Variants in FRMPD4 observed in about 807,000 individuals in gnomAD.
FRMPD4 encodes FERM and PDZ domain-containing protein 4.
FRMPD4 carries 22 observed loss-of-function variants against 94.1 expected under a neutral mutation model. That is an observed-to-expected ratio of 0.23 (90% CI 0.17 to 0.33). FRMPD4 has a LOEUF of 0.33. Among genes scored for constraint, FRMPD4 ranks in the 10% least tolerant of loss-of-function variants. The pLI is 1.00. For missense variants in FRMPD4, 1,111 were observed against 1,339.9 expected (o/e 0.83, Z 2.67); for synonymous variants, 631 against 548.6 (o/e 1.15, Z -2.10).
rs926889145 is a variant in FRMPD4 at position 12,415,627 on chromosome X, A to T, written c.42-83053A>T. On this transcript the variant is annotated intron_variant, in intron 1 of 16. Transcript: ENST00000675598. ...ATTGTATGACTAACACCCAATTGCT[A>T]TTTAAATATGATTATTAATATTATT... Among the ~76,000 whole-genome samples the T allele has an allele frequency of 2.7e-5, 3 of 111,716 alleles. No homozygotes were observed. In the Admixed American group the frequency reaches 2.8e-4, roughly 11 times the overall value.
chrX:12,598,322 G>A (rs1002125035), intron 2 of FRMPD4, among the ~76,000 whole-genome samples: 1 of 110,978 alleles, frequency 9.0e-6, no homozygotes, highest in Non-Finnish European at 1.9e-5. Context: ...GTGGATGTGG[G>A]CACAGATAAG....
intron 1 of FRMPD4, chrX:12,375,094 C>T (rs2148012915): frequency 8.9e-6 from 1 of 112,313 alleles, no homozygotes; most frequent in East Asian, 2.8e-4. Context: ...TTTGCAGTGA[C>T]ATCTGTAGCA....
At chrX:12,517,468 GC>G (rs2058112242) in intron 2 of FRMPD4, among the ~76,000 whole-genome samples, 1 of 106,932 alleles carries the variant, frequency 9.4e-6, no homozygotes, top group African/African-American at 3.4e-5. Context: ...CCGTAGGGTT[GC>G]CATGGTTTGC....
intron 1 of FRMPD4, among the ~76,000 whole-genome samples, chrX:12,312,095 A>C (rs5933984): frequency 0.41 from 44,497 of 109,185 alleles, 6,802 homozygotes; most frequent in Admixed American, 0.55. Context: ...TGGATAATTT[A>C]TTCTGCTTCA....
chrX:12,144,364 C>A (rs889332072), intron 1 of FRMPD4, among the ~76,000 whole-genome samples: 1 of 111,210 alleles, frequency 9.0e-6, no homozygotes. Context: ...TAATTTAGGT[C>A]ATTATGTACT....
intron 2 of FRMPD4, among the ~76,000 whole-genome samples, chrX:12,503,036 T>C (rs1479496076): frequency 8.9e-6 from 1 of 112,484 alleles, no homozygotes; most frequent in African/African-American, 3.2e-5. Flanking sequence ...AAAATATGCT[T>C]GTTTGACTGC....
chrX:12,198,068 CAT>C (rs2056586356), intron 1 of FRMPD4, among the ~76,000 whole-genome samples: 2 of 111,839 alleles, frequency 1.8e-5, no homozygotes, highest in Non-Finnish European at 3.8e-5. Flanking sequence ...GTAAAGCACT[CAT>C]AATATAAAAC....
intron 2 of FRMPD4, among the ~76,000 whole-genome samples, chrX:12,559,981 A>G (rs368182101): frequency 9.0e-6 from 1 of 111,530 alleles, no homozygotes; most frequent in Non-Finnish European, 1.9e-5. Context: ...ATGTCTTACA[A>G]TTACAGACTA....
chrX:12,145,258 G>A (rs1207981855), intron 1 of FRMPD4, among the ~76,000 whole-genome samples: 1 of 112,246 alleles, frequency 8.9e-6, no homozygotes, highest in Non-Finnish European at 1.9e-5. Flanking sequence ...AGACTGGTGT[G>A]GGGGAGAACA....
chrX:12,080,629 C>T (rs1369602878), intron 3 of FRMPD4, among the ~76,000 whole-genome samples: 1 of 112,143 alleles, frequency 8.9e-6, no homozygotes, highest in South Asian at 3.7e-4. Context: ...AAGAAAATAT[C>T]AGCACCTGTA....
intron 3 of FRMPD4, among the ~76,000 whole-genome samples, chrX:11,981,500 T>C (rs2054396771): frequency 9.0e-6 from 1 of 111,528 alleles, no homozygotes; most frequent in Admixed American, 9.5e-5. Context: ...TTCCTTAAAG[T>C]CTATCTTGTC....
chrX:12,064,103 C>G (rs1042703661), intron 3 of FRMPD4, among the ~76,000 whole-genome samples: 1 of 112,005 alleles, frequency 8.9e-6, no homozygotes, highest in African/African-American at 3.2e-5. Context: ...CTTAGCTGTT[C>G]TGTACTTAGC....
At chrX:12,654,258 T>TG (rs1431077403) in intron 4 of FRMPD4, among the ~76,000 whole-genome samples, 1 of 111,845 alleles carries the variant, frequency 8.9e-6, no homozygotes, top group Non-Finnish European at 1.9e-5. Flanking sequence ...TCAAAGGCCT[T>TG]GTTGGTAACA....
At chrX:12,562,130 G>C (rs754923488) in intron 2 of FRMPD4, among the ~76,000 whole-genome samples, 4 of 112,353 alleles carry the variant, frequency 3.6e-5, no homozygotes, top group Non-Finnish European at 7.5e-5. Context: ...TATGATTTAG[G>C]CTTAAAAACC....
chrX:12,452,802 G>A (rs192337393), intron 1 of FRMPD4, among the ~76,000 whole-genome samples: 22 of 111,682 alleles, frequency 2.0e-4, no homozygotes, highest in Admixed American at 1.7e-3. Flanking sequence ...TTCTAAAAAC[G>A]CACTGCTGTG....
intron 4 of FRMPD4, among the ~76,000 whole-genome samples, chrX:12,618,356 G>A (rs1047514280): frequency 1.9e-4 from 21 of 111,771 alleles, no homozygotes; most frequent in Non-Finnish European, 3.4e-4. Context: ...AAGGCACTGA[G>A]CATGTATAGA....
At chrX:11,851,676 G>T (rs765466596) in intron 1 of FRMPD4, among the ~76,000 whole-genome samples, 1 of 111,352 alleles carries the variant, frequency 9.0e-6, no homozygotes, top group Admixed American at 9.5e-5. Flanking sequence ...TCCTTTCCCT[G>T]TTCATTTCTT....
intron 4 of FRMPD4, among the ~76,000 whole-genome samples, chrX:12,664,793 T>G (rs2059758023): frequency 8.9e-6 from 1 of 111,937 alleles, no homozygotes; most frequent in African/African-American, 3.3e-5. Context: ...AGCTCCTCTT[T>G]GTAACTCCGA....
intron 1 of FRMPD4, among the ~76,000 whole-genome samples, chrX:12,428,517 C>G (rs957588253): frequency 9.9e-5 from 11 of 111,139 alleles, no homozygotes; most frequent in African/African-American, 2.6e-4. Context: ...CTTGGAAGCT[C>G]TCAAGTGAAG....
Sources: allele counts gnomAD v4.1 joint callset (sites outside exome capture counted in the v4.1 genomes callset), GRCh38; gene constraint gnomAD v4.1.1; transcripts MANE v1.5; gene names NCBI Gene and HGNC (gene_info 2026-07-23, HGNC 2026-07-21).